Variants in BCL2L14 observed in about 807,000 individuals in gnomAD.
BCL2L14 encodes apoptosis facilitator Bcl-2-like protein 14.
A neutral mutation model predicts 35.3 loss-of-function variants in BCL2L14; 27 were observed. The observed-to-expected ratio is 0.76, with a 90% confidence interval of 0.56 to 1.05. The LOEUF is 1.05. Among genes scored for constraint, BCL2L14 ranks in the 50% least tolerant of loss-of-function variants. The pLI is 0.00. For missense variants in BCL2L14, 377 were observed against 382.6 expected (o/e 0.99, Z 0.12); for synonymous variants, 139 against 145.9 (o/e 0.95, Z 0.34).
intron 2 of BCL2L14, among the ~76,000 whole-genome samples, chr12:12,056,395 G>T (rs767048827): frequency 3.3e-5 from 5 of 151,984 alleles, no homozygotes; most frequent in Non-Finnish European, 5.9e-5. Flanking sequence ...TCTTTCTCCC[G>T]ATCACTCCCT....
intron 5 of BCL2L14, chr12:12,096,053 C>A (rs1356368838): frequency 2.0e-6 from 2 of 985,190 alleles, no homozygotes; most frequent in East Asian, 1.1e-4. Context: ...CCCCAACAAC[C>A]CCCTTGAGCC....
In BCL2L14 at chr12:12,073,143, G is replaced by A. The variant is rs188688076; in HGVS notation, c.-8+2006G>A. Among the ~76,000 whole-genome samples, 8 of 152,294 alleles carry A rather than the reference G, an allele frequency of 5.3e-5. 1 individual carries two copies. The highest frequency in any genetic ancestry group is 1.9e-4 in the East Asian group (1 of 5,178). On this transcript the variant is annotated intron_variant, in intron 1 of 5. Transcript: ENST00000308721. Reference sequence around the variant, plus strand: ...TGCTCCCTGGGCCTCCCAAAGTGCTGGGATTACAGGCGTGAGCCACTGGGT... The same window carrying A: ...TGCTCCCTGGGCCTCCCAAAGTGCTAGGATTACAGGCGTGAGCCACTGGGT...
intron 2 of BCL2L14, among the ~76,000 whole-genome samples, chr12:12,083,520 C>T (rs559294222): frequency 6.6e-6 from 1 of 152,186 alleles, no homozygotes; most frequent in Non-Finnish European, 1.5e-5. Context: ...AGGTGAGGTT[C>T]AGCGATATAC....
intron 3 of BCL2L14, 125 bp from the exon 4 acceptor site, chr12:12,090,654 A>T (rs1471511871): frequency 6.4e-6 from 4 of 625,424 alleles, no homozygotes; most frequent in East Asian, 3.1e-5. Context: ...AATAAAAAAA[A>T]AAAAAAGAAT....
upstream of BCL2L14, chr12:12,068,216 A>G (rs1204316751): frequency 7.5e-6 from 3 of 398,392 alleles, no homozygotes; most frequent in Admixed American, 1.3e-4. Context: ...AAGCGCTGGG[A>G]TTGCAGGTAT....
intron 2 of BCL2L14, among the ~76,000 whole-genome samples, chr12:12,059,169 C>A (rs562835940): frequency 6.6e-6 from 1 of 152,218 alleles, no homozygotes; most frequent in African/African-American, 2.4e-5. Context: ...TCTGATTATT[C>A]CCCCACGTTT....
intron 2 of BCL2L14, among the ~76,000 whole-genome samples, chr12:12,064,300 T>C (rs911014680): frequency 1.8e-4 from 19 of 103,270 alleles, no homozygotes; most frequent in African/African-American, 6.2e-4. Context: ...GCTAATTTTT[T>C]TGATTTTTTT....
chr12:12,058,407 C>T (rs1948466125), intron 2 of BCL2L14, among the ~76,000 whole-genome samples: 1 of 152,084 alleles, frequency 6.6e-6, no homozygotes, highest in Admixed American at 6.6e-5. Context: ...TGTGCCACCA[C>T]ACTTGGCTAA....
chr12:12,094,841 G>A lies in BCL2L14; in HGVS notation c.856G>A (p.Asp286Asn), dbSNP rs1338017140. ...CGTCACGGCCAAGCTCACAGCTATT[G>A]ACAACCACCCGATGAACAGGGTCCT... is the stretch of plus-strand genomic sequence containing the variant. The part of the protein sequence containing the change: ...IDVTAKLTAI[D>N]NHPMNRVLGF... Residue 286 changes from aspartate to asparagine, a missense_variant, in exon 5 of 6, where the codon GAC becomes AAC. Physicochemically the swap from Asp to Asn is conservative, Grantham distance 23. Coordinates refer to ENST00000308721, the MANE Select transcript of BCL2L14 (RefSeq NM_138723.2). The A allele has an allele frequency of 6.2e-7, 1 of 1,614,178 alleles. No individual in the cohort carries two copies. The highest frequency in any genetic ancestry group is 8.5e-7 in the Non-Finnish European group (1 of 1,180,044).
chr12:12,050,977 C>G (rs77055028), intron 1 of BCL2L14, among the ~76,000 whole-genome samples: 1 of 151,996 alleles, frequency 6.6e-6, no homozygotes, highest in African/African-American at 2.4e-5. Flanking sequence ...CGGAAGTGCT[C>G]GATAAGGATT....
Position 12,050,316 on chromosome 12 carries a change from C to T in BCL2L14, c.-324+362C>T, listed in dbSNP as rs566175938. Among the ~76,000 whole-genome samples, 8 of 151,826 alleles carry T rather than the reference C, an allele frequency of 5.3e-5. No individual in the cohort carries two copies. The South Asian group carries it at 1.0e-3, about 20-fold the overall frequency. ...GGCGTGGTGGCGGGCGCATGTAGTC[C>T]CAGCTACTCGGGAGGCTGAGGCAGG... On this transcript the variant is annotated intron_variant, in intron 1 of 3. Transcript: ENST00000461264.
chr12:12,052,718 A>G (rs117039945), intron 2 of BCL2L14, among the ~76,000 whole-genome samples: 10,014 of 152,252 alleles, frequency 0.066, 424 homozygotes, highest in Non-Finnish European at 0.089. Flanking sequence ...ACTGATTTCA[A>G]TGCCTTTGGA....
At chr12:12,066,486 T>G (rs1323711475), upstream of BCL2L14, among the ~76,000 whole-genome samples, 1 of 152,198 alleles carries the variant, frequency 6.6e-6, no homozygotes, top group Non-Finnish European at 1.5e-5. Context: ...TTAGGCATTT[T>G]TATCTAAGAT....
Position 12,079,359 on chromosome 12 carries a change from C to T in BCL2L14, c.54C>T (p.Asp18=), listed in dbSNP as rs1230585618. The T allele has an allele frequency of 1.2e-6, 2 of 1,614,194 alleles. No individual in the cohort carries two copies. The highest frequency in any genetic ancestry group is 1.7e-5 in the Admixed American group (1 of 60,010). ...DLEEIPLDDD[D]LNTIEFKILA... is the part of the protein sequence containing the mutation. Reference sequence around the variant, plus strand: ...AAGAAATCCCCCTAGATGATGATGACCTAAACACCATAGAATTCAAAATCC... The same window carrying T: ...AAGAAATCCCCCTAGATGATGATGATCTAAACACCATAGAATTCAAAATCC... Residue 18 remains aspartate (D), a synonymous_variant, in exon 2 of 6, where the codon GAC becomes GAT. Coordinates refer to ENST00000308721, the MANE Select transcript of BCL2L14 (RefSeq NM_138723.2).
Position 12,079,750 on chromosome 12 carries a change from G to A in BCL2L14, c.433+12G>A. The A allele has an allele frequency of 6.2e-7, 1 of 1,605,180 alleles. No individual in the cohort carries two copies. Among genetic ancestry groups the A allele is most frequent in the Non-Finnish European group, 8.5e-7 (1 of 1,175,386 alleles). On this transcript the variant is annotated intron_variant, in intron 2 of 5. Transcript: ENST00000308721. Reference sequence around the variant, plus strand: ...CTTGGAGCATGAAGGTAGGCATCTGGGATTTCTTTCTCTCCCGCTTCCTGG... The same window carrying A: ...CTTGGAGCATGAAGGTAGGCATCTGAGATTTCTTTCTCTCCCGCTTCCTGG...
rs561872977 is a variant in BCL2L14 at position 12,081,807 on chromosome 12, T to C, written c.433+2069T>C. Among the ~76,000 whole-genome samples, 3 of 152,256 alleles carry C rather than the reference T, an allele frequency of 2.0e-5. 1 individual carries two copies. The South Asian group carries it at 6.2e-4, about 32-fold the overall frequency. ...CTCCTGACCTCGTGATCTGCCCACC[T>C]TGGGCTCCCGAAGTGCTGGGATTAC... On this transcript the variant is annotated intron_variant, in intron 2 of 5. Transcript: ENST00000308721.
upstream of BCL2L14, among the ~76,000 whole-genome samples, chr12:12,069,758 T>A (rs1238418116): frequency 6.6e-6 from 1 of 151,646 alleles, no homozygotes; most frequent in African/African-American, 2.4e-5. Flanking sequence ...GAAAAATCAT[T>A]CTTAGTATTT....
intron 2 of BCL2L14, among the ~76,000 whole-genome samples, chr12:12,083,612 G>A (rs867523559): frequency 2.6e-5 from 4 of 152,222 alleles, no homozygotes; most frequent in Middle Eastern, 3.4e-3. Context: ...AAGTTTGGCA[G>A]CTCAGGCATG....
At chr12:12,061,391 C>T (rs1166050518) in intron 2 of BCL2L14, among the ~76,000 whole-genome samples, 6 of 151,738 alleles carry the variant, frequency 4.0e-5, no homozygotes, top group South Asian at 2.1e-4. Context: ...TCCCACAGCA[C>T]GCTTTAAAAG....
Sources: allele counts gnomAD v4.1 joint callset (sites outside exome capture counted in the v4.1 genomes callset), GRCh38; gene constraint gnomAD v4.1.1; transcripts MANE v1.5; gene names NCBI Gene and HGNC (gene_info 2026-07-23, HGNC 2026-07-21).